Variants in TAOK3 observed in about 807,000 individuals in gnomAD.
TAOK3 encodes TAO kinase 3.
Under a neutral mutation model 120.4 loss-of-function variants are expected in TAOK3, and 40 were observed. That is an observed-to-expected ratio of 0.33 (90% confidence interval 0.26 to 0.43). The LOEUF (loss-of-function observed/expected upper bound fraction) is 0.43, where lower values mean the gene tolerates loss of function less well. Ranked by LOEUF, TAOK3 falls within the 20% of genes least tolerant of loss-of-function variation. The pLI, the probability that TAOK3 is intolerant of heterozygous loss-of-function variation, is 1.00. For synonymous variants in TAOK3, 355 were observed against 387.5 expected (o/e 0.92, Z 0.99); for missense variants, 821 against 1,112.1 (o/e 0.74, Z 3.72).
At chr12:118,164,350 GAAAC>G (rs1030149400) in intron 17 of TAOK3, among the ~76,000 whole-genome samples, 3 of 151,568 alleles carry the variant, frequency 2.0e-5, no homozygotes, top group Non-Finnish European at 4.4e-5. Flanking sequence ...AAACAACAAC[GAAAC>G]AAACAAACAA....
chr12:118,254,079 A>C (rs1355941021), intron 3 of TAOK3, among the ~76,000 whole-genome samples: 2 of 152,146 alleles, frequency 1.3e-5, no homozygotes, highest in African/African-American at 2.4e-5. Context: ...AGAACAAACA[A>C]ACTGTATTTT....
At chr12:118,213,886 T>C in intron 10 of TAOK3, 131 bp downstream of exon 10, 1 of 757,208 alleles carries the variant, frequency 1.3e-6, no homozygotes, top group South Asian at 1.7e-5. Context: ...GAGGCATCAG[T>C]GTCACTTGTA....
intron 17 of TAOK3, among the ~76,000 whole-genome samples, chr12:118,165,981 ATTATTCACC>A (rs2035553864): frequency 6.6e-6 from 1 of 152,182 alleles, no homozygotes; most frequent in East Asian, 1.9e-4. Context: ...TGGGGGAAAA[ATTATTCACC>A]TTATTATGAG....
intron 1 of TAOK3, among the ~76,000 whole-genome samples, chr12:118,354,361 C>T (rs1419083308): frequency 6.6e-6 from 1 of 152,182 alleles, no homozygotes; most frequent in Non-Finnish European, 1.5e-5. Flanking sequence ...AGGCACGTAG[C>T]ATCTACAGTG....
intron 15 of TAOK3, among the ~76,000 whole-genome samples, chr12:118,177,615 G>A (rs1489143939): frequency 1.3e-5 from 2 of 151,970 alleles, no homozygotes; most frequent in Admixed American, 6.6e-5. Context: ...CCTGAGGTCG[G>A]GAGTTTGAGA....
chr12:118,313,516 A>T (rs1368588970), intron 1 of TAOK3, among the ~76,000 whole-genome samples: 1 of 152,208 alleles, frequency 6.6e-6, no homozygotes, highest in Non-Finnish European at 1.5e-5. Flanking sequence ...ACCTCAGGTG[A>T]TCCACCTGTT....
At chr12:118,279,694 C>T (rs2140402266) in intron 1 of TAOK3, among the ~76,000 whole-genome samples, 1 of 150,152 alleles carries the variant, frequency 6.7e-6, no homozygotes, top group South Asian at 2.1e-4. Context: ...AGCGATTCTT[C>T]TGCCTCAGCC....
At chr12:118,152,181 C>T (rs2034495024) in intron 20 of TAOK3, 46 bp downstream of exon 20, 2 of 1,578,056 alleles carry the variant, frequency 1.3e-6, no homozygotes, top group African/African-American at 1.3e-5. Flanking sequence ...CTCAGCCACG[C>T]CCCCTTCCAC....
At chr12:118,363,018 C>CAAAAAAAAAAAAAAAAA (rs60475060) in intron 1 of TAOK3, among the ~76,000 whole-genome samples, 30 of 45,880 alleles carry the variant, frequency 6.5e-4, no homozygotes, top group East Asian at 1.2e-3. Context: ...GACTCCGTAT[C>CAAAAAAAAAAAAAAAAA]AAAAAAAAAA....
intron 15 of TAOK3, 53 bp downstream of exon 15, chr12:118,181,318 C>T: frequency 2.0e-6 from 3 of 1,469,068 alleles, no homozygotes; most frequent in Non-Finnish European, 2.8e-6. Context: ...CTGCCACTGA[C>T]CCCAACAGGC....
chr12:118,224,423 C>T (rs1008710346), intron 9 of TAOK3, among the ~76,000 whole-genome samples: 2 of 152,192 alleles, frequency 1.3e-5, no homozygotes, highest in Non-Finnish European at 2.9e-5. Context: ...GAATCTATAA[C>T]ATTTATGTTT....
chr12:118,234,477 C>G (rs774286653), intron 8 of TAOK3, among the ~76,000 whole-genome samples: 1 of 151,988 alleles, frequency 6.6e-6, no homozygotes, highest in Non-Finnish European at 1.5e-5. Context: ...ATCTCCTGAC[C>G]TCGTGATCCA....
At chr12:118,231,942 G>GA (rs964335010) in intron 9 of TAOK3, among the ~76,000 whole-genome samples, 1 of 150,690 alleles carries the variant, frequency 6.6e-6, no homozygotes, top group Non-Finnish European at 1.5e-5. Flanking sequence ...AAGAAAAAAA[G>GA]AAAAAAAAGA....
chr12:118,307,378 G>A (rs1301606579), intron 1 of TAOK3, among the ~76,000 whole-genome samples: 1 of 152,108 alleles, frequency 6.6e-6, no homozygotes, highest in Non-Finnish European at 1.5e-5. Flanking sequence ...AGGGATGATG[G>A]ATTTGCTATC....
chr12:118,266,354 G>A (rs996196727), intron 2 of TAOK3, among the ~76,000 whole-genome samples: 2 of 122,220 alleles, frequency 1.6e-5, no homozygotes, highest in East Asian at 5.4e-4. Flanking sequence ...CACCACGCCC[G>A]GCTAATTTTT....
intron 1 of TAOK3, among the ~76,000 whole-genome samples, chr12:118,370,173 A>G (rs1198435687): frequency 6.6e-6 from 1 of 151,826 alleles, no homozygotes; most frequent in African/African-American, 2.4e-5. Context: ...GCGCCTGGCC[A>G]TGTTAGTGGA....
intron 15 of TAOK3, among the ~76,000 whole-genome samples, chr12:118,179,786 A>G (rs2036582752): frequency 6.6e-6 from 1 of 151,764 alleles, no homozygotes; most frequent in African/African-American, 2.4e-5. Context: ...CTGGGATTAC[A>G]GGCACCTGCC....
chr12:118,329,044 T>A (rs1439177963), intron 1 of TAOK3, among the ~76,000 whole-genome samples: 1 of 152,084 alleles, frequency 6.6e-6, no homozygotes, highest in Admixed American at 6.6e-5. Flanking sequence ...CAGAATAATG[T>A]AGCACACTTA....
At chr12:118,335,051 G>A (rs1025267218) in intron 1 of TAOK3, among the ~76,000 whole-genome samples, 7 of 151,764 alleles carry the variant, frequency 4.6e-5, no homozygotes, top group African/African-American at 1.7e-4. Context: ...ATGGTGTGGT[G>A]GTATATGCCT....
Sources: allele counts gnomAD v4.1 joint callset (sites outside exome capture counted in the v4.1 genomes callset), GRCh38; gene constraint gnomAD v4.1.1; transcripts MANE v1.5; gene names NCBI Gene and HGNC (gene_info 2026-07-23, HGNC 2026-07-21).